DLG1: variants seen among roughly 807,000 people sequenced by gnomAD.
The protein encoded by DLG1 is disks large homolog 1.
DLG1 carries 42 observed loss-of-function variants against 123.4 expected under a neutral mutation model. That is an observed-to-expected ratio of 0.34 (90% CI 0.27 to 0.44). The LOEUF is 0.44. Ranked by LOEUF, DLG1 falls within the 20% of genes least tolerant of loss-of-function variation. The pLI, the probability that DLG1 is intolerant of heterozygous loss-of-function variation, is 1.00. For missense variants in DLG1, 942 were observed against 1,082.6 expected, an observed-to-expected ratio of 0.87 and a Z score of 1.82; for synonymous variants, 317 against 356.2, an observed-to-expected ratio of 0.89 and a Z score of 1.24.
In DLG1 at chr3:197,161,213, A is replaced by G. The variant is rs907934069; in HGVS notation, c.484-11417T>C. On this transcript the variant is annotated intron_variant, in intron 5 of 24. Transcript: ENST00000667157. ...GAAGTGTGTTATCTAATCAAATAAC[A>G]TAAGAATGAATATTTCCAAAGAAGA... is the stretch of plus-strand genomic sequence containing the variant. 2.1e-4 allele frequency among the ~76,000 whole-genome samples: 32 copies of G among 152,314 alleles called. 1 individual carries two copies. Among genetic ancestry groups the G allele is most frequent in the African/African-American group, 6.3e-4 (26 of 41,586 alleles).
intron 23 of DLG1, among the ~76,000 whole-genome samples, chr3:197,057,886 G>A (rs2148798669): frequency 6.6e-6 from 1 of 151,386 alleles, no homozygotes; most frequent in African/African-American, 2.4e-5. Flanking sequence ...GAACACTTTT[G>A]GCTTTGTTGA....
Position 197,138,204 on chromosome 3 carries a change from G to A in DLG1, c.883+18C>T. The stretch of plus-strand genomic sequence containing the variant: ...AGAGATTTCTTAAAGATTTATCTTA[G>A]TTTGACTTACCACATACCTTTAGGA... On this transcript the variant is annotated intron_variant, in intron 9 of 24. Coordinates refer to ENST00000667157, the MANE Select transcript of DLG1 (RefSeq NM_001366207.1). The A allele has an allele frequency of 6.9e-7, 1 of 1,454,408 alleles. No homozygotes were observed. The highest frequency in any genetic ancestry group is 9.2e-7 in the Non-Finnish European group (1 of 1,083,126). The allele number at this position is 1,454,408 out of a possible 1,614,324, so 90.1% of individuals were successfully genotyped here.
At chr3:197,274,862 T>C (rs1040360173) in intron 4 of DLG1, among the ~76,000 whole-genome samples, 30 of 152,132 alleles carry the variant, frequency 2.0e-4, no homozygotes, top group Admixed American at 6.6e-5. Context: ...ATGTTCAACA[T>C]TACTAATAAT....
At chr3:197,093,697 G>T (rs1237728517) in intron 14 of DLG1, among the ~76,000 whole-genome samples, 1 of 151,964 alleles carries the variant, frequency 6.6e-6, no homozygotes, top group Non-Finnish European at 1.5e-5. Context: ...CTGCTTTTAT[G>T]AATTAACTTT....
rs532880796 is a variant in DLG1 at position 197,211,740 on chromosome 3, CA to C, written c.319-17152del. Among the ~76,000 whole-genome samples the C allele has an allele frequency of 6.4e-4, 94 of 146,508 alleles. 1 individual carries two copies. Among genetic ancestry groups the C allele is most frequent in the African/African-American group, 2.3e-3 (94 of 41,212 alleles). On this transcript the variant is annotated intron_variant, in intron 4 of 24. Coordinates refer to ENST00000667157, the MANE Select transcript of DLG1 (RefSeq NM_001366207.1). The stretch of plus-strand genomic sequence containing the variant: ...AAAGCAGAACTACCATTTGACCCAG[CA>C]ATCCCATTACTGGTTATATACCTAG...
chr3:197,208,794 C>T (rs1285964217), intron 4 of DLG1, among the ~76,000 whole-genome samples: 4 of 145,460 alleles, frequency 2.7e-5, no homozygotes, highest in East Asian at 2.0e-4. Context: ...AGTTGCTTGA[C>T]GAGAGGAGAT....
At chr3:197,187,578 T>C (rs1716835557) in intron 5 of DLG1, among the ~76,000 whole-genome samples, 1 of 152,218 alleles carries the variant, frequency 6.6e-6, no homozygotes, top group African/African-American at 2.4e-5. Context: ...ATAATTTTCC[T>C]TGCCATTGAA....
At chr3:197,050,784 A>G (rs1225494268) in intron 24 of DLG1, among the ~76,000 whole-genome samples, 4 of 152,158 alleles carry the variant, frequency 2.6e-5, no homozygotes, top group African/African-American at 9.7e-5. Flanking sequence ...GTAGATCTTA[A>G]GAGTCTTCCC....
At chr3:197,059,670 CAT>C (rs573533326) in intron 23 of DLG1, among the ~76,000 whole-genome samples, 121 of 152,366 alleles carry the variant, frequency 7.9e-4, no homozygotes, top group South Asian at 2.1e-3. Context: ...AGTTCTAACA[CAT>C]GTTACCTTAT....
At chr3:197,093,536 G>C (rs1460924462) in intron 14 of DLG1, among the ~76,000 whole-genome samples, 1 of 149,382 alleles carries the variant, frequency 6.7e-6, no homozygotes, top group Non-Finnish European at 1.5e-5. Flanking sequence ...GAAGATCACT[G>C]CACAATATAG....
At chr3:197,228,419 A>C (rs768078313) in intron 4 of DLG1, among the ~76,000 whole-genome samples, 8 of 152,258 alleles carry the variant, frequency 5.3e-5, no homozygotes, top group Non-Finnish European at 1.0e-4. Context: ...AGTCTGCCTT[A>C]TTCAGTTGGT....
At chr3:197,220,150 C>T (rs529650457) in intron 4 of DLG1, among the ~76,000 whole-genome samples, 1 of 152,182 alleles carries the variant, frequency 6.6e-6, no homozygotes, top group East Asian at 1.9e-4. Flanking sequence ...TGCTATATAC[C>T]TAGTGCACAG....
At chr3:197,124,727 C>T (rs1778160999) in intron 11 of DLG1, among the ~76,000 whole-genome samples, 1 of 152,052 alleles carries the variant, frequency 6.6e-6, no homozygotes, top group Non-Finnish European at 1.5e-5. Flanking sequence ...CAGGCACGCA[C>T]CATTGTGCCT....
chr3:197,249,101 A>G (rs567847501), intron 4 of DLG1, among the ~76,000 whole-genome samples: 2 of 152,302 alleles, frequency 1.3e-5, no homozygotes, highest in East Asian at 3.9e-4. Flanking sequence ...TCATAGCAGT[A>G]ATAAATAAAA....
At chr3:197,254,446 GA>G (rs1755899824) in intron 4 of DLG1, among the ~76,000 whole-genome samples, 1 of 152,180 alleles carries the variant, frequency 6.6e-6, no homozygotes, top group Admixed American at 6.5e-5. Context: ...GCAGCTTCCT[GA>G]AAAGGAAAGA....
chr3:197,132,186 T>A (rs1353901141), intron 10 of DLG1, among the ~76,000 whole-genome samples: 1 of 152,128 alleles, frequency 6.6e-6, no homozygotes, highest in African/African-American at 2.4e-5. Context: ...GTTTTGTCTG[T>A]CTTCTTACAT....
At chr3:197,270,995 G>A (rs1433099322) in intron 4 of DLG1, among the ~76,000 whole-genome samples, 2 of 152,122 alleles carry the variant, frequency 1.3e-5, no homozygotes, top group Admixed American at 6.5e-5. Flanking sequence ...AAAAGGTAAT[G>A]TCATTTAAAG....
intron 4 of DLG1, among the ~76,000 whole-genome samples, chr3:197,218,658 T>C (rs1294319524): frequency 6.6e-6 from 1 of 152,214 alleles, no homozygotes; most frequent in Non-Finnish European, 1.5e-5. Flanking sequence ...TCCCTATTGA[T>C]GGATAGGCTA....
At chr3:197,296,980 T>C (rs1777735927) in intron 2 of DLG1, 1 of 604,944 alleles carries the variant, frequency 1.7e-6, no homozygotes, top group Admixed American at 3.0e-5. Flanking sequence ...CCTCTCTTAA[T>C]CACTAGAGAA....
Sources: gnomAD v4.1 joint callset for allele counts (sites outside exome capture counted in the v4.1 genomes callset) on GRCh38, gnomAD v4.1.1 for gene constraint, MANE v1.5 for transcripts, NCBI Gene and HGNC (gene_info 2026-07-23, HGNC 2026-07-21) for gene names.